KSR2: variants seen among roughly 807,000 people sequenced by gnomAD.
KSR2 encodes the protein kinase suppressor of ras 2.
In KSR2, 25 loss-of-function variants were observed where a neutral mutation model predicts 107.8. The observed-to-expected ratio is 0.23, with a 90% CI of 0.17 to 0.32. The LOEUF is 0.32. Ranked by LOEUF, KSR2 falls within the 10% of genes least tolerant of loss-of-function variation. The pLI is 1.00. For missense variants in KSR2, 887 were observed against 1,268.9 expected (o/e 0.70, Z 4.57); for synonymous variants, 480 against 507.0 (o/e 0.95, Z 0.71).
intron 4 of KSR2, among the ~76,000 whole-genome samples, chr12:117,711,717 G>T (rs749255575): frequency 6.6e-6 from 1 of 152,184 alleles, no homozygotes; most frequent in Non-Finnish European, 1.5e-5. Flanking sequence ...TCTCATGGAA[G>T]GATCTTTCTG....
intron 1 of KSR2, among the ~76,000 whole-genome samples, chr12:117,932,716 T>C (rs1895728060): frequency 6.6e-6 from 1 of 152,014 alleles, no homozygotes; most frequent in Non-Finnish European, 1.5e-5. Flanking sequence ...AGTGAGATCC[T>C]GTCTCAAATA....
intron 5 of KSR2, among the ~76,000 whole-genome samples, chr12:117,592,464 C>T (rs1880386853): frequency 6.6e-6 from 1 of 152,142 alleles, no homozygotes; most frequent in Admixed American, 6.5e-5. Context: ...TGAGACCTGG[C>T]AGGTAACCAT....
intron 14 of KSR2, among the ~76,000 whole-genome samples, chr12:117,519,646 G>A (rs555663767): frequency 6.6e-4 from 100 of 152,144 alleles, no homozygotes; most frequent in Non-Finnish European, 1.3e-3. Flanking sequence ...TAATATTTGT[G>A]GAATGAGTGT....
At chr12:117,744,202 T>A (rs1888318494) in intron 4 of KSR2, among the ~76,000 whole-genome samples, 2 of 152,178 alleles carry the variant, frequency 1.3e-5, no homozygotes. Flanking sequence ...TCAACCTCTC[T>A]GAGCCTCAGT....
intron 3 of KSR2, among the ~76,000 whole-genome samples, chr12:117,833,735 G>A (rs897520653): frequency 1.3e-5 from 2 of 151,724 alleles, no homozygotes; most frequent in African/African-American, 2.4e-5. Flanking sequence ...AAAGACCACC[G>A]GACACTAAGT....
intron 9 of KSR2, among the ~76,000 whole-genome samples, chr12:117,546,308 A>C (rs906142759): frequency 6.6e-6 from 1 of 152,098 alleles, no homozygotes; most frequent in South Asian, 2.1e-4. Flanking sequence ...TCTGGCCTCC[A>C]TGGTTTCTGA....
At chr12:117,492,700 G>C (rs1209783192) in intron 14 of KSR2, among the ~76,000 whole-genome samples, 1 of 152,170 alleles carries the variant, frequency 6.6e-6, no homozygotes, top group African/African-American at 2.4e-5. Context: ...GATTATCCTG[G>C]ATTAGCCAGG....
intron 19 of KSR2, among the ~76,000 whole-genome samples, chr12:117,469,138 G>C (rs1871294372): frequency 6.6e-6 from 1 of 152,204 alleles, no homozygotes; most frequent in Non-Finnish European, 1.5e-5. Context: ...AGAAACAAGG[G>C]GGAGGAGCAT....
intron 3 of KSR2, among the ~76,000 whole-genome samples, chr12:117,831,655 A>C (rs1049618219): frequency 2.6e-5 from 4 of 152,234 alleles, no homozygotes; most frequent in African/African-American, 9.6e-5. Flanking sequence ...CACCCACAGC[A>C]ACTCCATGCA....
At chr12:117,567,660 G>C (rs912505364) in intron 7 of KSR2, among the ~76,000 whole-genome samples, 3 of 79,692 alleles carry the variant, frequency 3.8e-5, no homozygotes, top group Admixed American at 2.4e-4. Context: ...AAGGCTTCTC[G>C]CAAAAAAAAA....
chr12:117,526,257 G>A (rs1875155423), intron 13 of KSR2, among the ~76,000 whole-genome samples: 1 of 152,174 alleles, frequency 6.6e-6, no homozygotes, highest in Non-Finnish European at 1.5e-5. Context: ...CAAGGTGTAG[G>A]GACCCACCTT....
intron 3 of KSR2, among the ~76,000 whole-genome samples, chr12:117,827,176 C>T (rs1005993325): frequency 9.9e-5 from 15 of 152,224 alleles, no homozygotes; most frequent in South Asian, 6.2e-4. Context: ...AGAATGAAGT[C>T]TGCCTTTTTG....
At position 117,648,370 on chromosome 12, in the gene KSR2, C is replaced by A. The variant is rs535991042; in HGVS notation, c.1171+19104G>T. 3.3e-5 allele frequency among the ~76,000 whole-genome samples: 5 copies of A among 152,332 alleles called. No homozygotes were observed. In the South Asian group the frequency reaches 8.3e-4, roughly 25 times the overall value. On this transcript the variant is annotated intron_variant, in intron 5 of 19. Coordinates refer to ENST00000339824, the MANE Select transcript of KSR2 (RefSeq NM_173598.6). Reference sequence around the variant, plus strand: ...CACCCCCACCATTGTCCGACACCAACTGCATCCTTCATCTCTGATGACCCC... The same window carrying A: ...CACCCCCACCATTGTCCGACACCAAATGCATCCTTCATCTCTGATGACCCC...
intron 4 of KSR2, among the ~76,000 whole-genome samples, chr12:117,688,871 A>T (rs932529225): frequency 6.6e-6 from 1 of 152,094 alleles, no homozygotes; most frequent in Admixed American, 6.6e-5. Flanking sequence ...AACTCTAGAC[A>T]CCCGGTCACA....
At chr12:117,815,053 T>C (rs1035999635) in intron 3 of KSR2, among the ~76,000 whole-genome samples, 3 of 152,136 alleles carry the variant, frequency 2.0e-5, no homozygotes, top group African/African-American at 7.2e-5. Flanking sequence ...ACCTCACTCA[T>C]AACAACAGAA....
At chr12:117,623,349 T>C (rs1882295016) in intron 5 of KSR2, among the ~76,000 whole-genome samples, 1 of 152,212 alleles carries the variant, frequency 6.6e-6, no homozygotes, top group African/African-American at 2.4e-5. Flanking sequence ...ATCATTTACA[T>C]TAGGTATTTC....
intron 3 of KSR2, among the ~76,000 whole-genome samples, chr12:117,794,174 A>ACT (rs1257652505): frequency 7.4e-6 from 1 of 134,280 alleles, no homozygotes; most frequent in Non-Finnish European, 1.6e-5. Context: ...CAACATGCGC[A>ACT]CACACCAACA....
intron 5 of KSR2, among the ~76,000 whole-genome samples, chr12:117,660,272 G>C (rs1397010722): frequency 6.6e-6 from 1 of 152,134 alleles, no homozygotes; most frequent in Non-Finnish European, 1.5e-5. Context: ...AAACAAGACA[G>C]GTTTATTCTC....
At chr12:117,738,416 AC>A (rs1251810859) in intron 4 of KSR2, among the ~76,000 whole-genome samples, 1 of 152,222 alleles carries the variant, frequency 6.6e-6, no homozygotes, top group African/African-American at 2.4e-5. Flanking sequence ...GACGTAGCCT[AC>A]TATCCCCCCA....
Sources: gnomAD v4.1 joint callset for allele counts (sites outside exome capture counted in the v4.1 genomes callset) on GRCh38, gnomAD v4.1.1 for gene constraint, MANE v1.5 for transcripts, NCBI Gene and HGNC (gene_info 2026-07-23, HGNC 2026-07-21) for gene names.